Variants in B4GALT1 observed in about 807,000 individuals in gnomAD.
The protein encoded by B4GALT1 is N-acetyllactosamine synthase.
In B4GALT1, 16 loss-of-function variants were observed where a neutral mutation model predicts 34.9. That is an observed-to-expected ratio of 0.46 (90% confidence interval 0.31 to 0.70). B4GALT1 has a LOEUF of 0.70. Ranked by LOEUF, B4GALT1 falls within the 30% of genes least tolerant of loss-of-function variation. The pLI, the probability that B4GALT1 is intolerant of heterozygous loss-of-function variation, is 0.05. For synonymous variants in B4GALT1, 221 were observed against 218.1 expected, an observed-to-expected ratio of 1.01 and a Z score of -0.12; for missense variants, 445 against 530.5, an observed-to-expected ratio of 0.84 and a Z score of 1.58.
intron 4 of B4GALT1, 148 bp from the exon 5 acceptor site, chr9:33,114,026 G>T: frequency 1.3e-6 from 1 of 749,012 alleles, no homozygotes; most frequent in Non-Finnish European, 2.3e-6. Context: ...ACCCAGCCCA[G>T]CATGACCCTG....
chr9:33,167,987 C>T (rs1035166335), upstream of B4GALT1, among the ~76,000 whole-genome samples: 1 of 152,206 alleles, frequency 6.6e-6, no homozygotes, highest in African/African-American at 2.4e-5. Context: ...ATAAGGGGCT[C>T]TCAGACCAGC....
At chr9:33,183,955 G>A in the B4GALT1 span, among the ~76,000 whole-genome samples, 1 of 152,044 alleles carries the variant, frequency 6.6e-6, no homozygotes, top group Admixed American at 6.5e-5. Context: ...CTTGTTAAGT[G>A]GGAGTTGAAC....
At chr9:33,143,770 A>C (rs1270066036) in intron 1 of B4GALT1, among the ~76,000 whole-genome samples, 1 of 152,058 alleles carries the variant, frequency 6.6e-6, no homozygotes, top group Non-Finnish European at 1.5e-5. Context: ...AACAACTTAC[A>C]CTCAGGAACT....
the B4GALT1 span, chr9:33,179,665 T>G: frequency 1.3e-5 from 2 of 152,244 alleles, no homozygotes; most frequent in Non-Finnish European, 2.9e-5. Context: ...TTTTGATCTT[T>G]TCCAGGCTAG....
the B4GALT1 span, among the ~76,000 whole-genome samples, chr9:33,181,766 G>C: frequency 6.6e-6 from 1 of 152,108 alleles, no homozygotes; most frequent in African/African-American, 2.4e-5. Context: ...TGAGTAAAAG[G>C]CTTTTCCTTT....
At chr9:33,106,897 A>G (rs995717280), downstream of B4GALT1, among the ~76,000 whole-genome samples, 1 of 152,016 alleles carries the variant, frequency 6.6e-6, no homozygotes, top group Non-Finnish European at 1.5e-5. Context: ...AGCCACACGT[A>G]ATGGTCATTG....
intron 1 of B4GALT1, among the ~76,000 whole-genome samples, chr9:33,147,798 T>C (rs1432175158): frequency 6.6e-6 from 1 of 152,154 alleles, no homozygotes; most frequent in Non-Finnish European, 1.5e-5. Context: ...TGCAGGAGGC[T>C]GAGGTGGAAA....
In B4GALT1 at chr9:33,146,222, T is replaced by A. The variant is rs548204998; in HGVS notation, c.413-10798A>T. Among the ~76,000 whole-genome samples the A allele has an allele frequency of 6.1e-4, 93 of 152,320 alleles. 1 individual carries two copies. In the Middle Eastern group the frequency reaches 0.014, roughly 22 times the overall value. On this transcript the variant is annotated intron_variant, in intron 1 of 5. Coordinates refer to ENST00000379731, the MANE Select transcript of B4GALT1 (RefSeq NM_001497.4). ...GGGCAGATTCCTCCTTCTCACTCCT[T>A]CCGCTGGAATTTCTGGAAAGTGTGG...
intron 1 of B4GALT1, among the ~76,000 whole-genome samples, chr9:33,138,801 C>T (rs891564867): frequency 6.6e-6 from 1 of 152,158 alleles, no homozygotes; most frequent in Non-Finnish European, 1.5e-5. Context: ...AATGGATTCT[C>T]ATGCAACCCC....
chr9:33,184,258 A>ACACT, the B4GALT1 span, among the ~76,000 whole-genome samples: 77 of 146,896 alleles, frequency 5.2e-4, no homozygotes, highest in African/African-American at 1.7e-3. Flanking sequence ...TCTTGTACAC[A>ACACT]CACACACACA....
At chr9:33,156,205 C>T (rs1041973187) in intron 1 of B4GALT1, among the ~76,000 whole-genome samples, 15 of 151,828 alleles carry the variant, frequency 9.9e-5, no homozygotes, top group African/African-American at 3.1e-4. Flanking sequence ...CTGATGTGGG[C>T]TCACTGCAAC....
chr9:33,130,896 GCAGGCAGAGGAAA>G (rs2118130377), intron 2 of B4GALT1, among the ~76,000 whole-genome samples: 1 of 150,032 alleles, frequency 6.7e-6, no homozygotes, highest in African/African-American at 2.4e-5. Flanking sequence ...GGCAGAGGAA[GCAGGCAGAGGAAA>G]CAGGCAGGAT....
intron 3 of B4GALT1, among the ~76,000 whole-genome samples, chr9:33,118,062 TCAC>T (rs1839965343): frequency 6.6e-6 from 1 of 152,208 alleles, no homozygotes; most frequent in Admixed American, 6.5e-5. Context: ...CCTTCCTTGT[TCAC>T]CACTGTGCTT....
At chr9:33,114,482 C>T (rs1177719363) in intron 4 of B4GALT1, among the ~76,000 whole-genome samples, 3 of 152,120 alleles carry the variant, frequency 2.0e-5, no homozygotes, top group Admixed American at 6.5e-5. Context: ...ATCCCACAAA[C>T]GGTTGCCAGT....
chr9:33,113,417 T>C lies in B4GALT1; in HGVS notation c.*37A>G. On this transcript the variant is annotated 3_prime_UTR_variant, in exon 6 of 6. Transcript: ENST00000379731. ...GGCAGAGACACACAGCAGAGGTCCC[T>C]GGCTAATTTCAGGTCTCTTATCCGT... 6.2e-7 allele frequency: 1 copy of C among 1,613,912 alleles called. No individual in the cohort carries two copies. The highest frequency in any genetic ancestry group is 8.5e-7 in the Non-Finnish European group (1 of 1,179,880).
At chr9:33,182,792 G>A in the B4GALT1 span, among the ~76,000 whole-genome samples, 3 of 152,104 alleles carry the variant, frequency 2.0e-5, no homozygotes, top group Non-Finnish European at 2.9e-5. Context: ...TTTGACAAGC[G>A]AGATGATCTC....
At chr9:33,137,740 C>T (rs755754665) in intron 1 of B4GALT1, among the ~76,000 whole-genome samples, 7 of 152,090 alleles carry the variant, frequency 4.6e-5, no homozygotes, top group East Asian at 1.9e-4. Context: ...AGTAGGGCTC[C>T]GATGGACCAT....
rs561041858 is a variant in B4GALT1 at position 33,164,217 on chromosome 9, A to C, written c.412+2541T>G. 3.9e-5 allele frequency among the ~76,000 whole-genome samples: 6 copies of C among 152,114 alleles called. No individual in the cohort carries two copies. The East Asian group carries it at 1.2e-3, about 29-fold the overall frequency. On this transcript the variant is annotated intron_variant, in intron 1 of 5. Coordinates refer to ENST00000379731, the MANE Select transcript of B4GALT1 (RefSeq NM_001497.4). ...AACTGCAAGTAGTGAAAAGGCCACAACTCTAAACCCCACGGATGCTTTCTC... is the reference window on the plus strand; with the variant it reads ...AACTGCAAGTAGTGAAAAGGCCACACCTCTAAACCCCACGGATGCTTTCTC...
chr9:33,154,603 G>A (rs1486187860), intron 1 of B4GALT1, among the ~76,000 whole-genome samples: 1 of 152,254 alleles, frequency 6.6e-6, no homozygotes, highest in African/African-American at 2.4e-5. Context: ...GTTCAGTGAT[G>A]TAGGTGGTTG....
Sources: gnomAD v4.1 joint callset for allele counts (sites outside exome capture counted in the v4.1 genomes callset) on GRCh38, gnomAD v4.1.1 for gene constraint, MANE v1.5 for transcripts, NCBI Gene and HGNC (gene_info 2026-07-23, HGNC 2026-07-21) for gene names.